Variants in IL1RL2 observed in about 807,000 individuals in gnomAD.
IL1RL2 encodes the protein interleukin 1 receptor like 2, also known as interleukin-1 receptor-like 2.
In IL1RL2, 68 loss-of-function variants were observed where a neutral mutation model predicts 66.8. That is an observed-to-expected ratio of 1.02 (90% confidence interval 0.84 to 1.25). IL1RL2 has a LOEUF of 1.25. Ranked by LOEUF, IL1RL2 falls within the 50% of genes most tolerant of loss-of-function variation. The probability of loss-of-function intolerance (pLI) is 0.00; values close to 1 mark genes in which losing one functional copy is unlikely to be tolerated. For missense variants in IL1RL2, 729 were observed against 709.3 expected (o/e 1.03, Z -0.32); for synonymous variants, 305 against 264.6 (o/e 1.15, Z -1.48).
intron 8 of IL1RL2, among the ~76,000 whole-genome samples, chr2:102,225,521 A>G (rs535148180): frequency 1.2e-3 from 188 of 152,330 alleles, no homozygotes; most frequent in Non-Finnish European, 2.4e-3. Context: ...AAGGTGCCCC[A>G]TGAACATACT....
At chr2:102,195,941 T>A (rs748862292) in intron 4 of IL1RL2, among the ~76,000 whole-genome samples, 4 of 152,068 alleles carry the variant, frequency 2.6e-5, no homozygotes, top group Non-Finnish European at 5.9e-5. Flanking sequence ...CTCAAACTAC[T>A]GACCTCAGAT....
chr2:102,210,380 C>T (rs1689063696), intron 5 of IL1RL2, among the ~76,000 whole-genome samples: 1 of 152,084 alleles, frequency 6.6e-6, no homozygotes, highest in Admixed American at 6.5e-5. Context: ...ATTCTAAGAA[C>T]AATGACAAGC....
intron 5 of IL1RL2, among the ~76,000 whole-genome samples, chr2:102,211,624 A>G (rs1400596405): frequency 6.6e-6 from 1 of 152,320 alleles, no homozygotes; most frequent in Non-Finnish European, 1.5e-5. Flanking sequence ...CCATCTACAT[A>G]ACATTCTTAT....
intron 2 of IL1RL2, 81 bp from the exon 3 acceptor site, chr2:102,188,995 G>A: frequency 2.0e-6 from 2 of 984,144 alleles, no homozygotes; most frequent in Non-Finnish European, 3.0e-6. Context: ...AAATTGAAGA[G>A]GCATTTAAAA....
At chr2:102,232,405 C>T (rs1249868682) in intron 9 of IL1RL2, among the ~76,000 whole-genome samples, 1 of 152,178 alleles carries the variant, frequency 6.6e-6, no homozygotes, top group Non-Finnish European at 1.5e-5. Flanking sequence ...GAGCCACATG[C>T]CTGGCCACAT....
intron 1 of IL1RL2, among the ~76,000 whole-genome samples, chr2:102,187,518 G>T (rs913668575): frequency 6.6e-6 from 1 of 152,172 alleles, no homozygotes; most frequent in Non-Finnish European, 1.5e-5. Context: ...GGGCGCCCTG[G>T]CCCTCACGGG....
chr2:102,220,696 TG>T (rs1690038518), intron 8 of IL1RL2, among the ~76,000 whole-genome samples: 1 of 151,362 alleles, frequency 6.6e-6, no homozygotes, highest in African/African-American at 2.4e-5. Flanking sequence ...TGTGTGTGTG[TG>T]TGTGTTTGCA....
intron 5 of IL1RL2, among the ~76,000 whole-genome samples, chr2:102,207,283 C>T (rs1483628043): frequency 6.6e-6 from 1 of 152,126 alleles, no homozygotes; most frequent in African/African-American, 2.4e-5. Context: ...CAAACTTTTC[C>T]TTCTGCTTTT....
chr2:102,192,052 G>C lies in IL1RL2; in HGVS notation c.421G>C (p.Asp141His). ...CAAGCAAATATTACATCTTGGAAAA[G>C]ATGATAGTCTCACATGTCATCTGCA... ...EYKQILHLGK[D>H]DSLTCHLHFP... The change falls in exon 4 of 12, where the codon GAT becomes CAT. Residue 141 changes from aspartate to histidine, a missense_variant. Asp to His is a moderately conservative substitution (Grantham distance 81). Transcript: ENST00000264257. The C allele has an allele frequency of 1.2e-6, 2 of 1,612,856 alleles. No homozygotes were observed. The highest frequency in any genetic ancestry group is 1.7e-6 in the Non-Finnish European group (2 of 1,179,574).
At chr2:102,187,265 G>T in intron 1 of IL1RL2, 179 bp downstream of exon 1, 2 of 1,181,340 alleles carry the variant, frequency 1.7e-6, no homozygotes, top group Non-Finnish European at 2.1e-6. Context: ...TCTCTGGGTC[G>T]AGGAGTGGAG....
intron 5 of IL1RL2, among the ~76,000 whole-genome samples, chr2:102,202,979 C>T (rs975950129): frequency 8.5e-5 from 13 of 152,266 alleles, no homozygotes; most frequent in East Asian, 3.9e-4. Context: ...GAAAGGCTTT[C>T]GGTTTTTCCC....
intron 11 of IL1RL2, among the ~76,000 whole-genome samples, chr2:102,238,423 G>A (rs1198191614): frequency 2.0e-5 from 3 of 152,190 alleles, no homozygotes; most frequent in Admixed American, 6.5e-5. Context: ...TTGGCAAACC[G>A]TGGGATGCCA....
intron 4 of IL1RL2, among the ~76,000 whole-genome samples, chr2:102,197,344 T>C (rs1181602510): frequency 6.6e-6 from 1 of 152,004 alleles, no homozygotes; most frequent in Non-Finnish European, 1.5e-5. Flanking sequence ...AGGGAAGTGA[T>C]TCAAGTGATG....
chr2:102,240,610 C>T (rs1283228737), downstream of IL1RL2, among the ~76,000 whole-genome samples: 1 of 152,166 alleles, frequency 6.6e-6, no homozygotes, highest in African/African-American at 2.4e-5. Context: ...TCACAGCTCG[C>T]CAACTTGTTT....
chr2:102,242,516 G>A (rs1578218044), downstream of IL1RL2, among the ~76,000 whole-genome samples: 1 of 152,154 alleles, frequency 6.6e-6, no homozygotes, highest in South Asian at 2.1e-4. Flanking sequence ...CAGTGGCGCT[G>A]ATGATATAAA....
chr2:102,187,320 C>A, intron 1 of IL1RL2: 1 of 1,174,612 alleles, frequency 8.5e-7, no homozygotes, highest in Non-Finnish European at 1.1e-6. Context: ...CTTCCTTTCT[C>A]CTTTCCCGCT....
intron 4 of IL1RL2, 137 bp from the exon 5 acceptor site, chr2:102,201,419 C>A: frequency 1.4e-6 from 1 of 694,094 alleles, no homozygotes; most frequent in Non-Finnish European, 2.5e-6. Flanking sequence ...ATCAATCTAT[C>A]ATCTACCTAT....
chr2:102,232,834 C>T lies in IL1RL2; in HGVS notation c.1136-129C>T, dbSNP rs36114582. On this transcript the variant is annotated intron_variant, in intron 9 of 11. Coordinates refer to ENST00000264257, the MANE Select transcript of IL1RL2 (RefSeq NM_003854.4). ...TTGGCAGCCCCTGGCACCAAGTCAG[C>T]CAACTGGGCACTCAGAAGTCATGGA... 3.3e-3 allele frequency: 3,222 copies of T among 989,640 alleles called. 72 individuals carry two copies. In the African/African-American group the frequency reaches 0.046, roughly 14 times the overall value. The allele number at this position is 989,640 out of a possible 1,614,324, so 61.3% of individuals were successfully genotyped here. A position where few individuals can be genotyped will look rare whatever the true frequency, so the allele number is the denominator to read the frequency against.
chr2:102,196,434 G>C (rs1687789381), intron 4 of IL1RL2, among the ~76,000 whole-genome samples: 1 of 152,116 alleles, frequency 6.6e-6, no homozygotes, highest in African/African-American at 2.4e-5. Context: ...CACTCTTTGG[G>C]CCTCAGTGTT....
Sources: gnomAD v4.1 joint callset for allele counts (sites outside exome capture counted in the v4.1 genomes callset) on GRCh38, gnomAD v4.1.1 for gene constraint, MANE v1.5 for transcripts, NCBI Gene and HGNC (gene_info 2026-07-23, HGNC 2026-07-21) for gene names.